Variants in TMEM232 observed in about 807,000 individuals in gnomAD.
TMEM232 encodes transmembrane protein 232.
TMEM232 carries 80 observed loss-of-function variants against 78.8 expected under a neutral mutation model. The ratio of observed to expected loss-of-function variants is 1.01; its 90% CI spans 0.85 to 1.22. The LOEUF (loss-of-function observed/expected upper bound fraction) is 1.22. TMEM232 is among the 50% of genes most tolerant of loss of function. The probability of loss-of-function intolerance (pLI) is 0.00; values close to 1 mark genes in which losing one functional copy is unlikely to be tolerated. For synonymous variants in TMEM232, 297 were observed against 254.3 expected (o/e 1.17, Z -1.60); for missense variants, 881 against 742.2 (o/e 1.19, Z -2.17).
At chr5:110,723,277 T>C (rs1797827320) in intron 1 of TMEM232, among the ~76,000 whole-genome samples, 1 of 152,186 alleles carries the variant, frequency 6.6e-6, no homozygotes, top group Admixed American at 6.5e-5. Flanking sequence ...TTTAAGGCAT[T>C]AGACCAGTTG....
intron 10 of TMEM232, among the ~76,000 whole-genome samples, chr5:110,574,908 C>G (rs1168687021): frequency 1.3e-5 from 2 of 151,946 alleles, no homozygotes; most frequent in Admixed American, 1.3e-4. Context: ...AGCAAATTAT[C>G]AAACATGAGT....
chr5:110,670,622 A>T (rs1791234012), intron 1 of TMEM232, among the ~76,000 whole-genome samples: 1 of 151,500 alleles, frequency 6.6e-6, no homozygotes, highest in Non-Finnish European at 1.5e-5. Flanking sequence ...AGCAAATGGG[A>T]TTTTTTTTTC....
At chr5:110,647,967 A>G (rs563761577) in intron 2 of TMEM232, among the ~76,000 whole-genome samples, 1 of 152,178 alleles carries the variant, frequency 6.6e-6, no homozygotes, top group East Asian at 1.9e-4. Context: ...CTTCCAAAAA[A>G]TGAATTAGAA....
At chr5:110,477,814 T>C (rs1464667550) in intron 12 of TMEM232, among the ~76,000 whole-genome samples, 1 of 151,944 alleles carries the variant, frequency 6.6e-6, no homozygotes, top group African/African-American at 2.4e-5. Context: ...AATCAATCAC[T>C]GCAGTAAAAT....
At chr5:110,625,474 T>C (rs1784308400) in intron 6 of TMEM232, 41 bp from the exon 7 acceptor site, 1 of 1,453,246 alleles carries the variant, frequency 6.9e-7, no homozygotes, top group Admixed American at 2.5e-5. Context: ...AATTTATTAA[T>C]ATTTTGCACT....
At chr5:110,465,037 T>G (rs1483639467) in intron 12 of TMEM232, among the ~76,000 whole-genome samples, 1 of 152,198 alleles carries the variant, frequency 6.6e-6, no homozygotes, top group South Asian at 2.1e-4. Context: ...GACACTTTTC[T>G]CAAAGAAAGC....
chr5:110,615,845 A>G (rs1282294340), intron 8 of TMEM232, among the ~76,000 whole-genome samples: 1 of 152,040 alleles, frequency 6.6e-6, no homozygotes, highest in East Asian at 1.9e-4. Flanking sequence ...GCACTGCTAT[A>G]TACTAATGAC....
chr5:110,542,730 T>C (rs962420486), intron 11 of TMEM232, among the ~76,000 whole-genome samples: 1 of 152,018 alleles, frequency 6.6e-6, no homozygotes, highest in Non-Finnish European at 1.5e-5. Context: ...TGGAACTAAA[T>C]CAAAAGGAAA....
At chr5:110,694,661 G>A (rs150129986) in intron 1 of TMEM232, among the ~76,000 whole-genome samples, 14 of 150,184 alleles carry the variant, frequency 9.3e-5, no homozygotes, top group African/African-American at 2.7e-4. Context: ...AATCCTAGTC[G>A]CTGATAAAAC....
chr5:110,710,752 G>A (rs1580754725), intron 1 of TMEM232, among the ~76,000 whole-genome samples: 1 of 151,994 alleles, frequency 6.6e-6, no homozygotes, highest in Non-Finnish European at 1.5e-5. Flanking sequence ...GGGTATAGAA[G>A]GAACATACCT....
At chr5:110,582,842 C>CA (rs1220469844) in intron 10 of TMEM232, among the ~76,000 whole-genome samples, 2 of 151,762 alleles carry the variant, frequency 1.3e-5, no homozygotes, top group Non-Finnish European at 2.9e-5. Context: ...AATCAACACA[C>CA]AAAAATTGTT....
intron 10 of TMEM232, among the ~76,000 whole-genome samples, chr5:110,604,384 TATAAG>T (rs2149823357): frequency 6.6e-6 from 1 of 152,312 alleles, no homozygotes; most frequent in East Asian, 1.9e-4. Context: ...TTTGATGGAC[TATAAG>T]ATGTCAGGTG....
intron 2 of TMEM232, among the ~76,000 whole-genome samples, chr5:110,666,305 C>T (rs914280717): frequency 6.6e-6 from 1 of 152,148 alleles, no homozygotes; most frequent in African/African-American, 2.4e-5. Flanking sequence ...AATTTAATCA[C>T]TGTATACATA....
At chr5:110,654,374 C>G (rs1788740082) in intron 2 of TMEM232, among the ~76,000 whole-genome samples, 1 of 152,126 alleles carries the variant, frequency 6.6e-6, no homozygotes, top group African/African-American at 2.4e-5. Context: ...ATATGGCTAG[C>G]CAGTTTTCCC....
chr5:110,533,154 T>C (rs1462208216), intron 11 of TMEM232, among the ~76,000 whole-genome samples: 1 of 152,196 alleles, frequency 6.6e-6, no homozygotes, highest in Non-Finnish European at 1.5e-5. Flanking sequence ...TCACCTGGAC[T>C]GACCCTGACA....
At chr5:110,544,869 A>G (rs1006789335) in intron 11 of TMEM232, among the ~76,000 whole-genome samples, 3 of 152,238 alleles carry the variant, frequency 2.0e-5, no homozygotes, top group South Asian at 2.1e-4. Context: ...CATGTTATCA[A>G]TGTAGTATCT....
intron 1 of TMEM232, among the ~76,000 whole-genome samples, chr5:110,710,956 G>A (rs1033220823): frequency 2.6e-5 from 4 of 152,104 alleles, no homozygotes; most frequent in African/African-American, 9.7e-5. Flanking sequence ...ATCCAAATTG[G>A]AAAGAAAGAA....
intron 11 of TMEM232, among the ~76,000 whole-genome samples, chr5:110,543,957 A>G (rs1298004983): frequency 6.6e-6 from 1 of 152,186 alleles, no homozygotes; most frequent in African/African-American, 2.4e-5. Context: ...TCTATGCATA[A>G]ATTTGTCTAT....
At chr5:110,702,383 T>C (rs17132292) in intron 1 of TMEM232, among the ~76,000 whole-genome samples, 5,945 of 152,040 alleles carry the variant, frequency 0.039, 306 homozygotes, top group East Asian at 0.24. Context: ...ACTTTAGCCA[T>C]TGCCATGCTC....
Sources: allele counts gnomAD v4.1 joint callset (sites outside exome capture counted in the v4.1 genomes callset), GRCh38; gene constraint gnomAD v4.1.1; transcripts MANE v1.5; gene names NCBI Gene and HGNC (gene_info 2026-07-23, HGNC 2026-07-21).